WNT8A: variants seen among roughly 807,000 people sequenced by gnomAD.
WNT8A encodes the protein Wnt family member 8A, also known as protein Wnt-8a.
In WNT8A, 14 loss-of-function variants were observed where a neutral mutation model predicts 20.5. The ratio of observed to expected loss-of-function variants is 0.68; its 90% CI spans 0.45 to 1.07. WNT8A has a LOEUF of 1.07. Among genes scored for constraint, WNT8A ranks in the 50% least tolerant of loss-of-function variants. WNT8A has a pLI of 0.00. For missense variants in WNT8A, 397 were observed against 462.9 expected, an observed-to-expected ratio of 0.86 and a Z score of 1.31; for synonymous variants, 167 against 169.2, an observed-to-expected ratio of 0.99 and a Z score of 0.10.
the WNT8A span, among the ~76,000 whole-genome samples, chr5:138,078,650 T>G: frequency 6.6e-6 from 1 of 152,158 alleles, no homozygotes; most frequent in Non-Finnish European, 1.5e-5. Context: ...GACCTCTCAG[T>G]CCTGGGCAAA....
chr5:138,080,541 C>T (rs1274178639), upstream of WNT8A, among the ~76,000 whole-genome samples: 1 of 138,696 alleles, frequency 7.2e-6, no homozygotes, highest in African/African-American at 2.7e-5. Flanking sequence ...CTCCTAAACT[C>T]AGGTGATTTG....
Position 138,084,205 on chromosome 5 carries a change from T to A in WNT8A, c.78T>A (p.Cys26Ter), listed in dbSNP as rs778043888. 5.6e-6 allele frequency: 9 copies of A among 1,614,058 alleles called. No homozygotes were observed. In the East Asian group the frequency reaches 2.0e-4, roughly 36 times the overall value. ...TLTPCQGGPHCLIPIHLCLTF... is the reference protein window; with the variant it reads ...TLTPCQGGPH ...CTCCTTGCCAAGGAGGCCCCCATTG[T>A]CTCATCCCCATTCACCTCTGCCTCA... Residue 26 changes from cysteine (C) to a stop codon, truncating the protein, a stop_gained, in exon 1 of 5, where the codon TGT (cysteine) becomes TGA (stop). Transcript: ENST00000506684. LOFTEE classifies it high-confidence loss of function.
At chr5:138,088,419 C>T (rs571241452) in intron 3 of WNT8A, among the ~76,000 whole-genome samples, 6 of 148,838 alleles carry the variant, frequency 4.0e-5, no homozygotes, top group Non-Finnish European at 7.4e-5. Context: ...TGCAGTGGCG[C>T]GATCTCAGCT....
chr5:138,091,253 G>T lies in WNT8A; in HGVS notation c.*180G>T, dbSNP rs180742540. The stretch of plus-strand genomic sequence containing the variant: ...AGATTCTACAGCATATTCCTGGCGG[G>T]GCTGAAATTGGAACCTGGGCCTCCT... On this transcript the variant is annotated 3_prime_UTR_variant, in exon 5 of 5. Transcript: ENST00000506684. The T allele has an allele frequency of 4.5e-5, 71 of 1,572,486 alleles. No homozygotes were observed. In the Admixed American group the frequency reaches 1.2e-3, roughly 27 times the overall value.
intron 1 of WNT8A, 96 bp downstream of exon 1, chr5:138,084,379 C>G (rs1181900383): frequency 2.6e-6 from 4 of 1,552,330 alleles, no homozygotes; most frequent in African/African-American, 2.7e-5. Context: ...GAGCCCCTCA[C>G]CCAGAGGAAC....
chr5:138,091,467 A>C lies in WNT8A; in HGVS notation c.*394A>C. On this transcript the variant is annotated 3_prime_UTR_variant, in exon 5 of 5. Transcript: ENST00000506684. ...GTGCTGCTGGGAATCAGGAGAATAGAAGCAAAAAACGAAAGAGTTCTGTTC... is the reference window on the plus strand; with the variant it reads ...GTGCTGCTGGGAATCAGGAGAATAGCAGCAAAAAACGAAAGAGTTCTGTTC... The C allele has an allele frequency of 1.2e-5, 16 of 1,354,530 alleles. No individual in the cohort carries two copies. The highest frequency in any genetic ancestry group is 1.6e-5 in the Non-Finnish European group (16 of 1,023,668). 83.9% of individuals were successfully genotyped at this position (1,354,530 alleles called of 1,614,324 possible).
chr5:138,079,437 T>C (rs906689913), upstream of WNT8A, among the ~76,000 whole-genome samples: 1 of 151,448 alleles, frequency 6.6e-6, no homozygotes, highest in East Asian at 1.9e-4. Flanking sequence ...AATTTCACTA[T>C]CATTTATGCT....
intron 1 of WNT8A, 73 bp from the exon 2 acceptor site, chr5:138,084,425 G>C: frequency 6.4e-7 from 1 of 1,551,772 alleles, no homozygotes; most frequent in Non-Finnish European, 8.7e-7. Context: ...TGGCCCATCT[G>C]AGTCCTGCCT....
chr5:138,090,834 C>A lies in WNT8A; in HGVS notation c.871C>A (p.Arg291Ser), dbSNP rs765695881. ...SSLGIYGTEG[R>S]ECLQNSHNTS... ...CCTGGGCATCTATGGCACAGAGGGT[C>A]GTGAGTGCCTACAGAACAGCCACAA... Residue 291 changes from arginine (R) to serine (S), a missense_variant, in exon 5 of 5, where the codon CGT (arginine) becomes AGT (serine). By Grantham distance (110) the Arg-to-Ser change is moderately radical. Transcript: ENST00000506684. 2.5e-6 allele frequency: 4 copies of A among 1,614,146 alleles called. No individual in the cohort carries two copies. The highest frequency in any genetic ancestry group is 1.1e-5 in the South Asian group (1 of 91,062).
chr5:138,087,956 T>G (rs201599965), intron 3 of WNT8A, 25 bp downstream of exon 3: 162 of 1,610,922 alleles, frequency 1.0e-4, no homozygotes, highest in Non-Finnish European at 1.3e-4. Context: ...CTAATGGGGG[T>G]GGGAAGAGGT....
intron 3 of WNT8A, 33 bp downstream of exon 3, chr5:138,087,964 G>A: frequency 6.2e-7 from 1 of 1,611,266 alleles, no homozygotes; most frequent in Non-Finnish European, 8.5e-7. Context: ...GGTGGGAAGA[G>A]GTGAGGGGCT....
At position 138,091,312 on chromosome 5, in the gene WNT8A, A is replaced by T; in HGVS notation, c.*239A>T. The T allele has an allele frequency of 1.3e-6, 2 of 1,523,258 alleles. No homozygotes were observed. The highest frequency in any genetic ancestry group is 1.8e-6 in the Non-Finnish European group (2 of 1,133,278). 94.4% of individuals were successfully genotyped at this position (1,523,258 alleles called of 1,614,324 possible). ...CAGACCCCCATTTCATCTTTCCTGC[A>T]AACTACTTTCCCATCTTTGTGCCTG... is the stretch of plus-strand genomic sequence containing the variant. On this transcript the variant is annotated 3_prime_UTR_variant, in exon 5 of 5. Coordinates refer to ENST00000506684, the MANE Select transcript of WNT8A (RefSeq NM_001300939.2).
chr5:138,090,444 C>T, intron 4 of WNT8A, 84 bp from the exon 5 acceptor site: 3 of 1,267,628 alleles, frequency 2.4e-6, no homozygotes, highest in Non-Finnish European at 3.3e-6. Flanking sequence ...AGTCAAGAAA[C>T]ACAGCTCTAA....
At chr5:138,078,392 C>G in the WNT8A span, among the ~76,000 whole-genome samples, 1 of 152,300 alleles carries the variant, frequency 6.6e-6, no homozygotes. Context: ...ACCTCCACCC[C>G]CTCTCTACTC....
rs779233057 is a variant in WNT8A at position 138,084,098 on chromosome 5, C to T, written c.-30C>T. ...CTGGGGTAGGCAGGGCGATGGGGAA[C>T]CTGTTTATGCTCTGGGCAGCTCTGG... On this transcript the variant is annotated 5_prime_UTR_variant, in exon 1 of 5. Coordinates refer to ENST00000506684, the MANE Select transcript of WNT8A (RefSeq NM_001300939.2). The T allele has an allele frequency of 6.2e-6, 10 of 1,612,908 alleles. No individual in the cohort carries two copies. The South Asian group carries it at 8.8e-5, about 14-fold the overall frequency.
chr5:138,089,299 C>T (rs543789666), intron 4 of WNT8A, among the ~76,000 whole-genome samples: 240 of 152,304 alleles, frequency 1.6e-3, no homozygotes, highest in Middle Eastern at 3.4e-3. Context: ...CTCACTGAGT[C>T]CTCTTGTCAT....
upstream of WNT8A, among the ~76,000 whole-genome samples, chr5:138,080,963 C>T (rs1430805345): frequency 1.3e-5 from 2 of 152,072 alleles, no homozygotes; most frequent in African/African-American, 2.4e-5. Flanking sequence ...ATGATCTTGC[C>T]GGGCGCAGTG....
At chr5:138,088,523 A>G (rs945371510) in intron 3 of WNT8A, among the ~76,000 whole-genome samples, 29 of 151,914 alleles carry the variant, frequency 1.9e-4, no homozygotes, top group African/African-American at 6.3e-4. Context: ...CACTCGGCTA[A>G]TTTTTTGTAT....
At chr5:138,080,078 T>G (rs2151142022), upstream of WNT8A, among the ~76,000 whole-genome samples, 1 of 152,206 alleles carries the variant, frequency 6.6e-6, no homozygotes, top group Middle Eastern at 3.4e-3. Context: ...ATCCCAGCAC[T>G]TTGGGAGGCC....
Sources: allele counts gnomAD v4.1 joint callset (sites outside exome capture counted in the v4.1 genomes callset), GRCh38; gene constraint gnomAD v4.1.1; transcripts MANE v1.5; gene names NCBI Gene and HGNC (gene_info 2026-07-23, HGNC 2026-07-21).